Variants in KLHL20 observed in about 807,000 individuals in gnomAD.
The protein encoded by KLHL20 is kelch like family member 20.
Under a neutral mutation model 69.5 loss-of-function variants are expected in KLHL20, and 29 were observed. That is an observed-to-expected ratio of 0.42 (90% CI 0.31 to 0.57). KLHL20 has a LOEUF of 0.57. Ranked by LOEUF, KLHL20 falls within the 20% of genes least tolerant of loss-of-function variation. The pLI, the probability that KLHL20 is intolerant of heterozygous loss-of-function variation, is 0.18. For synonymous variants in KLHL20, 253 were observed against 265.2 expected, an observed-to-expected ratio of 0.95 and a Z score of 0.45; for missense variants, 419 against 776.0, an observed-to-expected ratio of 0.54 and a Z score of 5.47.
At chr1:173,757,987 C>T (rs778280981) in intron 7 of KLHL20, among the ~76,000 whole-genome samples, 8 of 152,096 alleles carry the variant, frequency 5.3e-5, no homozygotes, top group South Asian at 2.1e-4. Flanking sequence ...ATCTATGAAA[C>T]GCTGCCGCAT....
intron 2 of KLHL20, among the ~76,000 whole-genome samples, chr1:173,716,547 T>C (rs1011095804): frequency 6.6e-6 from 1 of 152,142 alleles, no homozygotes; most frequent in Non-Finnish European, 1.5e-5. Flanking sequence ...AGGACTAAAA[T>C]AGGTATTAGA....
intron 2 of KLHL20, among the ~76,000 whole-genome samples, chr1:173,723,061 A>G (rs1333320217): frequency 6.6e-6 from 1 of 152,204 alleles, no homozygotes; most frequent in Non-Finnish European, 1.5e-5. Flanking sequence ...TGAAATAAAA[A>G]ATTGTTTATA....
chr1:173,723,037 A>G (rs1258747189), intron 2 of KLHL20, among the ~76,000 whole-genome samples: 1 of 152,194 alleles, frequency 6.6e-6, no homozygotes, highest in African/African-American at 2.4e-5. Context: ...TAGTTTACCC[A>G]CATTGTACTT....
chr1:173,779,196 C>A (rs1265621839), intron 10 of KLHL20, among the ~76,000 whole-genome samples: 1 of 152,090 alleles, frequency 6.6e-6, no homozygotes, highest in African/African-American at 2.4e-5. Context: ...TCTTCATTGA[C>A]CCACTGGTCA....
At chr1:173,773,471 G>A (rs1648242114) in intron 8 of KLHL20, among the ~76,000 whole-genome samples, 1 of 150,626 alleles carries the variant, frequency 6.6e-6, no homozygotes, top group South Asian at 2.1e-4. Context: ...TTTTTTAAAT[G>A]TAATGTTAAG....
rs569322348 is a variant in KLHL20, at chr1:173,733,619, C to T, written c.24-94C>T. The T allele has an allele frequency of 1.7e-5, 19 of 1,093,468 alleles. No homozygotes were observed. The South Asian group carries it at 2.7e-4, about 16-fold the overall frequency. The allele number at this position is 1,093,468 out of a possible 1,614,324, so 67.7% of individuals were successfully genotyped here. A position where few individuals can be genotyped will look rare whatever the true frequency, so the allele number is the denominator to read the frequency against. The stretch of plus-strand genomic sequence containing the variant: ...AAAAAAAAAATCACCAAGCTAATTA[C>T]ATTTCCTTATCGCTTGAATTACAAA... On this transcript the variant is annotated intron_variant, in intron 2 of 11. Transcript: ENST00000209884.
In KLHL20 at chr1:173,774,287, T is replaced by C; in HGVS notation, c.1296-18T>C. ...ACTTAATAAGAACAAGCATACAGTC[T>C]GGTTTCCCTCACTGCAGGTATGATC... is the stretch of plus-strand genomic sequence containing the variant. On this transcript the variant is annotated intron_variant, in intron 8 of 11. Coordinates refer to ENST00000209884, the MANE Select transcript of KLHL20 (RefSeq NM_014458.4). The C allele has an allele frequency of 6.2e-7, 1 of 1,614,128 alleles. No individual in the cohort carries two copies. Among genetic ancestry groups the C allele is most frequent in the Non-Finnish European group, 8.5e-7 (1 of 1,179,980 alleles).
chr1:173,769,631 TAAA>T (rs976991113), intron 8 of KLHL20, among the ~76,000 whole-genome samples: 1 of 151,408 alleles, frequency 6.6e-6, no homozygotes, highest in African/African-American at 2.4e-5. Flanking sequence ...CTCCAAAAAA[TAAA>T]AAAATTAGCC....
At chr1:173,726,255 G>C (rs911534124) in intron 2 of KLHL20, among the ~76,000 whole-genome samples, 1 of 151,976 alleles carries the variant, frequency 6.6e-6, no homozygotes, top group African/African-American at 2.4e-5. Context: ...TGGGAAGCTC[G>C]AACGTGGTGG....
intron 7 of KLHL20, among the ~76,000 whole-genome samples, chr1:173,763,382 AC>A (rs1395728035): frequency 2.0e-5 from 3 of 152,212 alleles, no homozygotes; most frequent in African/African-American, 7.2e-5. Flanking sequence ...TTAGAAAAAA[AC>A]AATTATAAAG....
Position 173,720,400 on chromosome 1 carries a change from G to A in KLHL20, c.23+4334G>A, listed in dbSNP as rs116474076. Among the ~76,000 whole-genome samples, 588 of 152,192 alleles carry A rather than the reference G, an allele frequency of 3.9e-3. 4 individuals carry two copies. The highest frequency in any genetic ancestry group is 0.012 in the African/African-American group (502 of 41,530). ...GACATGCATGGAACAGTGAGTATAT[G>A]TGGAGTATAGGGTATTTTGAGGAAG... On this transcript the variant is annotated intron_variant, in intron 2 of 11. Coordinates refer to ENST00000209884, the MANE Select transcript of KLHL20 (RefSeq NM_014458.4).
At chr1:173,771,989 G>A (rs2102528417) in intron 8 of KLHL20, among the ~76,000 whole-genome samples, 1 of 152,312 alleles carries the variant, frequency 6.6e-6, no homozygotes, top group East Asian at 1.9e-4. Flanking sequence ...AAACCAGAGT[G>A]TGGAGGTAGA....
At chr1:173,757,195 T>C in intron 7 of KLHL20, 36 bp downstream of exon 7, 1 of 1,514,276 alleles carries the variant, frequency 6.6e-7, no homozygotes, top group Non-Finnish European at 9.0e-7. Context: ...CTCTCTACTA[T>C]TCATATAGTT....
rs768046938 is a variant in KLHL20, at chr1:173,753,246, CCCAAGTT to C, written c.793_799del (p.Lys265TrpfsTer5). 2 of 1,613,892 alleles carry C rather than the reference CCCAAGTT, an allele frequency of 1.2e-6. No individual in the cohort carries two copies. On this transcript the variant is annotated frameshift_variant, in exon 5 of 12. Coordinates refer to ENST00000209884, the MANE Select transcript of KLHL20 (RefSeq NM_014458.4). LOFTEE classifies it high-confidence loss of function. ...GCATGTTCGTTTGCCTTTGCTTAGT[CCCAAGTT>C]CCTGGTCGGCACAGTAGGCTCTGAT...
At chr1:173,780,204 C>G (rs1303725155) in intron 10 of KLHL20, among the ~76,000 whole-genome samples, 5 of 152,182 alleles carry the variant, frequency 3.3e-5, no homozygotes, top group Non-Finnish European at 7.3e-5. Flanking sequence ...TAGTCACATT[C>G]CTGTTAAGTG....
intron 1 of KLHL20, 140 bp from the exon 2 acceptor site, chr1:173,715,863 T>A (rs1209523761): frequency 1.7e-6 from 1 of 577,476 alleles, no homozygotes. Context: ...TAAGTTATTG[T>A]GCATCTGCAG....
intron 11 of KLHL20, 62 bp downstream of exon 11, chr1:173,782,292 T>C (rs1648931545): frequency 8.1e-7 from 1 of 1,233,054 alleles, no homozygotes; most frequent in East Asian, 2.3e-5. Context: ...GGGCTTGAAA[T>C]AGCCTATGAC....
intron 3 of KLHL20, chr1:173,734,506 T>C (rs1424641613): frequency 1.9e-6 from 1 of 537,170 alleles, no homozygotes. Flanking sequence ...CTAACTGTAT[T>C]CATAAAAGTA....
intron 3 of KLHL20, among the ~76,000 whole-genome samples, chr1:173,737,949 C>CTT (rs79506793): frequency 8.0e-5 from 11 of 138,164 alleles, no homozygotes; most frequent in African/African-American, 2.7e-4. Flanking sequence ...AGTATTTTAT[C>CTT]TTTTTTTTTT....
Sources: gnomAD v4.1 joint callset for allele counts (sites outside exome capture counted in the v4.1 genomes callset) on GRCh38, gnomAD v4.1.1 for gene constraint, MANE v1.5 for transcripts, NCBI Gene and HGNC (gene_info 2026-07-23, HGNC 2026-07-21) for gene names.